The following KIAA1328 variants were observed in gnomAD, a reference collection of about 807,000 sequenced individuals.
KIAA1328 encodes protein hinderin.
KIAA1328 carries 52 observed loss-of-function variants against 68.1 expected under a neutral mutation model. The ratio of observed to expected loss-of-function variants is 0.76; its 90% CI spans 0.61 to 0.96. KIAA1328 has a LOEUF of 0.96. Ranked by LOEUF, KIAA1328 falls within the 40% of genes least tolerant of loss-of-function variation. The probability of loss-of-function intolerance (pLI) is 0.00; values close to 1 mark genes in which losing one functional copy is unlikely to be tolerated. For missense variants in KIAA1328, 641 were observed against 677.6 expected (o/e 0.95, Z 0.60); for synonymous variants, 232 against 239.4 (o/e 0.97, Z 0.28).
At chr18:37,065,139 A>G (rs1218144192) in intron 6 of KIAA1328, among the ~76,000 whole-genome samples, 2 of 152,218 alleles carry the variant, frequency 1.3e-5, no homozygotes, top group African/African-American at 4.8e-5. Flanking sequence ...GAGGATATGG[A>G]TAGAAGATTA....
intron 5 of KIAA1328, among the ~76,000 whole-genome samples, chr18:36,924,699 A>G (rs2050048962): frequency 6.6e-6 from 1 of 152,298 alleles, no homozygotes; most frequent in Admixed American, 6.5e-5. Context: ...GAGAATATGC[A>G]GCATGTACAG....
intron 9 of KIAA1328, among the ~76,000 whole-genome samples, chr18:37,212,058 G>T (rs1307670149): frequency 6.6e-6 from 1 of 152,124 alleles, no homozygotes; most frequent in African/African-American, 2.4e-5. Flanking sequence ...AACATTTAAT[G>T]ATCTATATAT....
At chr18:36,859,795 G>A (rs573185035) in intron 4 of KIAA1328, among the ~76,000 whole-genome samples, 32 of 145,306 alleles carry the variant, frequency 2.2e-4, no homozygotes, top group African/African-American at 7.9e-4. Flanking sequence ...TATTATTTTT[G>A]TCTTTTTTTT....
intron 6 of KIAA1328, among the ~76,000 whole-genome samples, chr18:37,044,832 A>G (rs2055402421): frequency 6.6e-6 from 1 of 151,894 alleles, no homozygotes; most frequent in Admixed American, 6.6e-5. Flanking sequence ...GCAACAGTTT[A>G]AAAAAATGAG....
intron 6 of KIAA1328, among the ~76,000 whole-genome samples, chr18:37,038,941 G>C (rs1200469825): frequency 6.6e-6 from 1 of 152,030 alleles, no homozygotes. Flanking sequence ...AATTTTGTTG[G>C]ATGCTTTTTC....
chr18:37,127,353 A>G (rs1359486475), intron 7 of KIAA1328, among the ~76,000 whole-genome samples: 1 of 152,198 alleles, frequency 6.6e-6, no homozygotes. Context: ...ATACATACAG[A>G]TAAATCTAAT....
At chr18:37,122,675 G>A (rs1473981688) in intron 7 of KIAA1328, among the ~76,000 whole-genome samples, 2 of 152,104 alleles carry the variant, frequency 1.3e-5, no homozygotes, top group African/African-American at 4.8e-5. Context: ...TTTGCCAGCA[G>A]GTAGTAAGGG....
intron 6 of KIAA1328, among the ~76,000 whole-genome samples, chr18:36,991,992 T>C (rs1419247799): frequency 6.6e-6 from 1 of 152,222 alleles, no homozygotes; most frequent in African/African-American, 2.4e-5. Context: ...CTAATGGTGA[T>C]TTTAATTTGA....
chr18:37,017,101 C>A (rs897326303), intron 6 of KIAA1328, among the ~76,000 whole-genome samples: 1 of 151,922 alleles, frequency 6.6e-6, no homozygotes, highest in South Asian at 2.1e-4. Context: ...AGGTCATTTA[C>A]GACTTTAAAC....
chr18:36,863,045 A>T (rs2047618929), intron 4 of KIAA1328, among the ~76,000 whole-genome samples: 1 of 151,908 alleles, frequency 6.6e-6, no homozygotes, highest in South Asian at 2.1e-4. Flanking sequence ...AGAGTTCTTT[A>T]TATGTTCTAG....
intron 6 of KIAA1328, among the ~76,000 whole-genome samples, chr18:37,006,509 G>A (rs2053789356): frequency 6.6e-6 from 1 of 151,866 alleles, no homozygotes; most frequent in African/African-American, 2.4e-5. Flanking sequence ...TTATTTAATA[G>A]TTGTATCTCT....
chr18:37,003,548 T>C (rs2053667558), intron 6 of KIAA1328, among the ~76,000 whole-genome samples: 2 of 152,150 alleles, frequency 1.3e-5, no homozygotes, highest in Non-Finnish European at 2.9e-5. Flanking sequence ...GGTTGTTTAC[T>C]CTGCTAATGG....
At chr18:37,118,394 T>G (rs1255352377) in intron 7 of KIAA1328, among the ~76,000 whole-genome samples, 1 of 152,178 alleles carries the variant, frequency 6.6e-6, no homozygotes, top group Non-Finnish European at 1.5e-5. Flanking sequence ...ACCCAAACCT[T>G]TATTCCTGAA....
chr18:36,847,777 A>T (rs184329413), intron 4 of KIAA1328, among the ~76,000 whole-genome samples: 95 of 151,720 alleles, frequency 6.3e-4, no homozygotes, highest in Admixed American at 1.1e-3. Context: ...TTTGTGGTCC[A>T]GGCTTTTAGT....
chr18:37,201,855 G>A lies in KIAA1328; in HGVS notation c.1524-20162G>A, dbSNP rs542058328. On this transcript the variant is annotated intron_variant, in intron 9 of 9. Coordinates refer to ENST00000280020, the MANE Select transcript of KIAA1328 (RefSeq NM_020776.3). ...AGGAACCTTGTAGGGATTCTGTATT[G>A]TATCAGGGAACTGTATTGACAAGGT... 1.8e-4 allele frequency among the ~76,000 whole-genome samples: 28 copies of A among 152,252 alleles called. No individual in the cohort carries two copies. The South Asian group carries it at 5.8e-3, about 32-fold the overall frequency.
At chr18:36,985,365 AATTG>A (rs2052875264) in intron 6 of KIAA1328, among the ~76,000 whole-genome samples, 1 of 152,190 alleles carries the variant, frequency 6.6e-6, no homozygotes, top group Non-Finnish European at 1.5e-5. Context: ...GAAATTGACA[AATTG>A]ATTGTAAAAT....
chr18:36,906,244 A>C (rs1310203881), intron 5 of KIAA1328, among the ~76,000 whole-genome samples: 1 of 152,144 alleles, frequency 6.6e-6, no homozygotes, highest in Non-Finnish European at 1.5e-5. Flanking sequence ...TTTTTGCAGC[A>C]AAATTGTGTT....
chr18:36,963,216 TCAGG>T (rs1312921702), intron 6 of KIAA1328, among the ~76,000 whole-genome samples: 2 of 152,222 alleles, frequency 1.3e-5, no homozygotes, highest in Non-Finnish European at 2.9e-5. Context: ...GGAAAACAAG[TCAGG>T]CAGTTTTTAA....
intron 7 of KIAA1328, among the ~76,000 whole-genome samples, chr18:37,078,046 G>C (rs2056808990): frequency 6.6e-6 from 1 of 152,170 alleles, no homozygotes; most frequent in African/African-American, 2.4e-5. Context: ...AAAGAACAAA[G>C]CTGGAGGCAT....
Sources: gnomAD v4.1 joint callset for allele counts (sites outside exome capture counted in the v4.1 genomes callset) on GRCh38, gnomAD v4.1.1 for gene constraint, MANE v1.5 for transcripts, NCBI Gene and HGNC (gene_info 2026-07-23, HGNC 2026-07-21) for gene names.